Variants in GABRB1 observed in about 807,000 individuals in gnomAD.
The protein encoded by GABRB1 is gamma-aminobutyric acid receptor subunit beta-1.
GABRB1 carries 17 observed loss-of-function variants against 51.6 expected under a neutral mutation model. That is an observed-to-expected ratio of 0.33 (90% CI 0.23 to 0.49). The LOEUF is 0.49. GABRB1 is among the 20% of genes least tolerant of loss of function. The pLI is 0.99. For synonymous variants in GABRB1, 247 were observed against 218.9 expected, an observed-to-expected ratio of 1.13 and a Z score of -1.14; for missense variants, 410 against 600.6, an observed-to-expected ratio of 0.68 and a Z score of 3.32.
chr4:47,034,694 A>G (rs1265372057), intron 3 of GABRB1, among the ~76,000 whole-genome samples: 2 of 152,196 alleles, frequency 1.3e-5, no homozygotes, highest in Non-Finnish European at 1.5e-5. Context: ...ATCTATGACA[A>G]AACATTGAAA....
intron 5 of GABRB1, among the ~76,000 whole-genome samples, chr4:47,349,327 A>C (rs1463896598): frequency 2.6e-5 from 4 of 152,154 alleles, no homozygotes; most frequent in African/African-American, 9.7e-5. Flanking sequence ...ACTGGAAAGG[A>C]AAGAAAGAAG....
intron 4 of GABRB1, among the ~76,000 whole-genome samples, chr4:47,265,838 A>G (rs998977666): frequency 6.6e-6 from 1 of 151,950 alleles, no homozygotes; most frequent in Non-Finnish European, 1.5e-5. Flanking sequence ...TTCTAGTTCT[A>G]GATATTAGTT....
intron 1 of GABRB1, among the ~76,000 whole-genome samples, chr4:47,017,914 T>A (rs566346529): frequency 6.6e-6 from 1 of 152,220 alleles, no homozygotes; most frequent in Non-Finnish European, 1.5e-5. Flanking sequence ...GATTTTCAGA[T>A]TTGAATTATT....
At chr4:47,107,190 T>C (rs1715004865) in intron 3 of GABRB1, among the ~76,000 whole-genome samples, 1 of 152,032 alleles carries the variant, frequency 6.6e-6, no homozygotes, top group Admixed American at 6.6e-5. Context: ...AAAAGAAAAA[T>C]AGAATATTCC....
At chr4:47,034,298 C>T (rs906008426) in intron 3 of GABRB1, among the ~76,000 whole-genome samples, 2 of 151,906 alleles carry the variant, frequency 1.3e-5, no homozygotes, top group African/African-American at 4.8e-5. Flanking sequence ...AGGGAAGTTG[C>T]TGCAATCAAC....
intron 4 of GABRB1, among the ~76,000 whole-genome samples, chr4:47,173,713 G>A (rs990716937): frequency 6.6e-6 from 1 of 152,114 alleles, no homozygotes; most frequent in Non-Finnish European, 1.5e-5. Context: ...TCGTTTATTT[G>A]AGTTTTCTAC....
Position 47,403,423 on chromosome 4 carries a change from A to G in GABRB1, c.650A>G (p.Lys217Arg). The change falls in exon 6 of 9, where the codon AAG becomes AGG. Residue 217 changes from lysine (K) to arginine (R), a missense_variant. Coordinates refer to ENST00000295454, the MANE Select transcript of GABRB1 (RefSeq NM_000812.4). ...CCTCAATTTTCAATTGTTGACTACA[A>G]GATGGTGTCTAAGAAGGTGGAGTTC... ...ELPQFSIVDY[K>R]MVSKKVEFTT... 1 of 1,614,064 alleles carries G rather than the reference A, an allele frequency of 6.2e-7. No homozygotes were observed. The highest frequency in any genetic ancestry group is 8.5e-7 in the Non-Finnish European group (1 of 1,179,946).
chr4:47,353,722 C>G (rs1452578710), intron 5 of GABRB1, among the ~76,000 whole-genome samples: 4 of 152,126 alleles, frequency 2.6e-5, no homozygotes, highest in African/African-American at 9.7e-5. Context: ...TTTCCAAAGC[C>G]TATTATAAAA....
chr4:47,160,656 T>C (rs1357673093), intron 3 of GABRB1, among the ~76,000 whole-genome samples: 1 of 152,124 alleles, frequency 6.6e-6, no homozygotes, highest in Non-Finnish European at 1.5e-5. Flanking sequence ...CATGACATCA[T>C]TACCTTAACT....
At chr4:47,219,863 T>C (rs1307034046) in intron 4 of GABRB1, among the ~76,000 whole-genome samples, 1 of 151,960 alleles carries the variant, frequency 6.6e-6, no homozygotes, top group African/African-American at 2.4e-5. Context: ...TGAGACTGGA[T>C]TTTTTTCAGT....
chr4:47,180,468 C>T (rs1315136975), intron 4 of GABRB1, among the ~76,000 whole-genome samples: 1 of 151,984 alleles, frequency 6.6e-6, no homozygotes, highest in African/African-American at 2.4e-5. Flanking sequence ...TACTGAGTTT[C>T]CTGTGAAACG....
chr4:47,187,617 T>A (rs1466654621), intron 4 of GABRB1, among the ~76,000 whole-genome samples: 1 of 151,918 alleles, frequency 6.6e-6, no homozygotes, highest in East Asian at 1.9e-4. Flanking sequence ...GAGTTTTGAA[T>A]AACTGCTCCA....
intron 4 of GABRB1, among the ~76,000 whole-genome samples, chr4:47,252,235 T>C (rs1412451468): frequency 1.3e-5 from 2 of 152,076 alleles, no homozygotes; most frequent in Admixed American, 6.5e-5. Flanking sequence ...GGTCTCTAAA[T>C]TGACTCAACT....
rs543284296 is a variant in GABRB1, at chr4:47,262,056, A to G, written c.462-58071A>G. On this transcript the variant is annotated intron_variant, in intron 4 of 8. Transcript: ENST00000295454. The stretch of plus-strand genomic sequence containing the variant: ...CAAAAATCAATTCAAGATGGATTAA[A>G]GACTTAAATGTTAGACCTAAAACCA... Among the ~76,000 whole-genome samples the G allele has an allele frequency of 5.1e-3, 770 of 151,858 alleles. 9 individuals carry two copies. Among genetic ancestry groups the G allele is most frequent in the African/African-American group, 0.017 (709 of 41,404 alleles).
At chr4:47,235,483 A>G (rs1226682224) in intron 4 of GABRB1, among the ~76,000 whole-genome samples, 1 of 151,912 alleles carries the variant, frequency 6.6e-6, no homozygotes, top group Non-Finnish European at 1.5e-5. Context: ...AGGGAGTCAG[A>G]CGTTGCAGTG....
chr4:47,296,835 C>T (rs1282305448), intron 4 of GABRB1, among the ~76,000 whole-genome samples: 1 of 152,136 alleles, frequency 6.6e-6, no homozygotes, highest in Non-Finnish European at 1.5e-5. Flanking sequence ...CACACCTATT[C>T]CAAAACTGAC....
intron 4 of GABRB1, among the ~76,000 whole-genome samples, chr4:47,285,300 C>G (rs1411249876): frequency 6.6e-6 from 1 of 152,192 alleles, no homozygotes; most frequent in Non-Finnish European, 1.5e-5. Flanking sequence ...AGATCATGCT[C>G]TCATGAAAGC....
chr4:47,135,400 C>T (rs867127283), intron 3 of GABRB1, among the ~76,000 whole-genome samples: 23 of 151,964 alleles, frequency 1.5e-4, no homozygotes, highest in Admixed American at 6.6e-5. Context: ...ATTACTTCCA[C>T]GGAAAGCAGA....
At chr4:47,193,604 T>C (rs1719531534) in intron 4 of GABRB1, among the ~76,000 whole-genome samples, 1 of 152,182 alleles carries the variant, frequency 6.6e-6, no homozygotes, top group South Asian at 2.1e-4. Flanking sequence ...ACCTAAAGTG[T>C]TTGGCAAGTA....
Sources: allele counts gnomAD v4.1 joint callset (sites outside exome capture counted in the v4.1 genomes callset), GRCh38; gene constraint gnomAD v4.1.1; transcripts MANE v1.5; gene names NCBI Gene and HGNC (gene_info 2026-07-23, HGNC 2026-07-21).